The following CD247 variants were observed in gnomAD, a reference collection of about 807,000 sequenced individuals.
The protein encoded by CD247 is CD247 molecule, also known as T-cell surface glycoprotein CD3 zeta chain.
In CD247, 13 loss-of-function variants were observed where a neutral mutation model predicts 30.0. The ratio of observed to expected loss-of-function variants is 0.43; its 90% confidence interval spans 0.28 to 0.69. CD247 has a LOEUF of 0.69. Among genes scored for constraint, CD247 ranks in the 30% least tolerant of loss-of-function variants. The pLI is 0.16. For missense variants in CD247, 193 were observed against 212.6 expected (o/e 0.91, Z 0.57); for synonymous variants, 72 against 80.0 (o/e 0.90, Z 0.53).
chr1:167,446,819 C>A (rs1652103414), intron 1 of CD247, among the ~76,000 whole-genome samples: 1 of 152,130 alleles, frequency 6.6e-6, no homozygotes, highest in Non-Finnish European at 1.5e-5. Flanking sequence ...TGGTGAAACC[C>A]CGTCTCTACT....
intron 4 of CD247, among the ~76,000 whole-genome samples, chr1:167,435,666 G>T (rs55844778): frequency 1.6e-4 from 24 of 152,328 alleles, no homozygotes; most frequent in Admixed American, 9.8e-4. Flanking sequence ...CTTCCAGAGG[G>T]GCCCACCCAA....
chr1:167,503,174 C>T (rs532836554), intron 1 of CD247, among the ~76,000 whole-genome samples: 2 of 152,306 alleles, frequency 1.3e-5, no homozygotes, highest in South Asian at 2.1e-4. Context: ...CTTGCGTCTG[C>T]TCCTGCCGGT....
At chr1:167,514,128 A>G (rs947199556) in intron 1 of CD247, among the ~76,000 whole-genome samples, 2 of 151,370 alleles carry the variant, frequency 1.3e-5, no homozygotes, top group African/African-American at 4.9e-5. Context: ...AACAATTCTT[A>G]TTTTATTTTA....
At chr1:167,436,759 A>G (rs565134229) in intron 4 of CD247, among the ~76,000 whole-genome samples, 1 of 152,364 alleles carries the variant, frequency 6.6e-6, no homozygotes, top group South Asian at 2.1e-4. Context: ...AGGGAGATAA[A>G]AAGTAAAACC....
chr1:167,457,152 G>C (rs1652717641), intron 1 of CD247, among the ~76,000 whole-genome samples: 1 of 152,236 alleles, frequency 6.6e-6, no homozygotes, highest in Admixed American at 6.5e-5. Flanking sequence ...AGCTGGCATG[G>C]TGGGGGTCTC....
At chr1:167,513,253 AATG>A (rs1323720349) in intron 1 of CD247, among the ~76,000 whole-genome samples, 3 of 152,230 alleles carry the variant, frequency 2.0e-5, no homozygotes, top group Admixed American at 6.5e-5. Flanking sequence ...GAAACTTTTT[AATG>A]ATATGTTTTA....
At chr1:167,459,123 A>G (rs1241247260) in intron 1 of CD247, among the ~76,000 whole-genome samples, 1 of 150,540 alleles carries the variant, frequency 6.6e-6, no homozygotes, top group African/African-American at 2.5e-5. Context: ...TGACAGAGTG[A>G]AACTGTGTCT....
At chr1:167,497,844 AG>A (rs1051391045) in intron 1 of CD247, among the ~76,000 whole-genome samples, 3 of 152,228 alleles carry the variant, frequency 2.0e-5, no homozygotes, top group Admixed American at 2.0e-4. Context: ...TCTGAGGGCC[AG>A]TGAAACAAAG....
chr1:167,445,514 C>T (rs1042529136), intron 1 of CD247, among the ~76,000 whole-genome samples: 16 of 146,224 alleles, frequency 1.1e-4, no homozygotes, highest in African/African-American at 3.3e-4. Flanking sequence ...CAGTGAGCCT[C>T]GCCATCCCTT....
At chr1:167,483,409 C>T (rs1346682579) in intron 1 of CD247, among the ~76,000 whole-genome samples, 1 of 152,072 alleles carries the variant, frequency 6.6e-6, no homozygotes, top group African/African-American at 2.4e-5. Context: ...CTAAAAATAG[C>T]CTCCCTCCCC....
At chr1:167,465,327 CTTTTT>C (rs765176193) in intron 1 of CD247, among the ~76,000 whole-genome samples, 1 of 115,344 alleles carries the variant, frequency 8.7e-6, no homozygotes, top group Non-Finnish European at 1.7e-5. Flanking sequence ...TTTTCTTTTT[CTTTTT>C]TTTTTTTTTT....
chr1:167,484,462 T>C (rs1190470852), intron 1 of CD247, among the ~76,000 whole-genome samples: 2 of 152,190 alleles, frequency 1.3e-5, no homozygotes, highest in Non-Finnish European at 2.9e-5. Context: ...CTGTCTGGAT[T>C]GCTCTGGCAG....
intron 1 of CD247, among the ~76,000 whole-genome samples, chr1:167,491,998 G>C (rs1178841724): frequency 2.0e-5 from 3 of 152,104 alleles, no homozygotes; most frequent in African/African-American, 7.2e-5. Flanking sequence ...TGGTTTCATG[G>C]GTACAGAGTT....
intron 3 of CD247, 38 bp from the exon 4 acceptor site, chr1:167,438,688 G>T: frequency 6.6e-7 from 1 of 1,524,828 alleles, no homozygotes; most frequent in Non-Finnish European, 9.1e-7. Flanking sequence ...CAGGACGGAG[G>T]AACCTCAGAA....
chr1:167,466,518 A>C (rs1653254878), intron 1 of CD247, among the ~76,000 whole-genome samples: 1 of 152,006 alleles, frequency 6.6e-6, no homozygotes, highest in Non-Finnish European at 1.5e-5. Context: ...TTTATCCCCA[A>C]TTTTTCCCCT....
rs538385109 is a variant in CD247, at chr1:167,502,657, T to A, written c.58+15751A>T. 1.8e-3 allele frequency among the ~76,000 whole-genome samples: 277 copies of A among 152,326 alleles called. 2 individuals are homozygous for A. The highest frequency in any genetic ancestry group is 6.3e-3 in the African/African-American group (262 of 41,578). On this transcript the variant is annotated intron_variant, in intron 1 of 7. Transcript: ENST00000362089. ...ATTTGGAAATAGGGTGCTTTCAGAT[T>A]ATCAAGTTAAGATGAGGTCATTAGG... is the stretch of plus-strand genomic sequence containing the variant.
chr1:167,494,823 T>C lies in CD247; in HGVS notation c.58+23585A>G, dbSNP rs951777844. Among the ~76,000 whole-genome samples, 5 of 152,194 alleles carry C rather than the reference T, an allele frequency of 3.3e-5. No individual in the cohort carries two copies. Among genetic ancestry groups the C allele is most frequent in the African/African-American group, 9.6e-5 (4 of 41,462 alleles). On this transcript the variant is annotated intron_variant, in intron 1 of 7. Transcript: ENST00000362089. The surrounding 1 kb of genome is among the most constrained non-coding windows in gnomAD (Gnocchi z 7.3). ...AAGACAATTATTACCTCAGATCACA[T>C]ACGCCTTGGATTTCAGAGCTGGAAA...
chr1:167,479,601 C>T (rs919390936), intron 1 of CD247, among the ~76,000 whole-genome samples: 1 of 152,176 alleles, frequency 6.6e-6, no homozygotes, highest in Non-Finnish European at 1.5e-5. Flanking sequence ...CAGACCTCCC[C>T]GCTCCCCATC....
intron 1 of CD247, among the ~76,000 whole-genome samples, chr1:167,509,820 GGTGGGGGATGGAGTGGC>G (rs1655311812): frequency 6.6e-6 from 1 of 152,206 alleles, no homozygotes; most frequent in African/African-American, 2.4e-5. Flanking sequence ...GGTTTCCGCA[GGTGGGGGATGGAGTGGC>G]GTCTGCATTC....
Sources: gnomAD v4.1 joint callset for allele counts (sites outside exome capture counted in the v4.1 genomes callset) on GRCh38, gnomAD v4.1.1 for gene constraint, Gnocchi (gnomAD v3.1) non-coding constraint, MANE v1.5 for transcripts, NCBI Gene and HGNC (gene_info 2026-07-23, HGNC 2026-07-21) for gene names.